Variants in CNTNAP4 observed in about 807,000 individuals in gnomAD.
The protein encoded by CNTNAP4 is contactin associated protein family member 4.
Under a neutral mutation model 148.4 loss-of-function variants are expected in CNTNAP4, and 98 were observed. That is an observed-to-expected ratio of 0.66 (90% CI 0.56 to 0.78). The LOEUF (loss-of-function observed/expected upper bound fraction) is 0.78, where lower values mean the gene tolerates loss of function less well. Among genes scored for constraint, CNTNAP4 ranks in the 30% least tolerant of loss-of-function variants. The probability of loss-of-function intolerance (pLI) is 0.00; values close to 1 mark genes in which losing one functional copy is unlikely to be tolerated. For missense variants in CNTNAP4, 1,935 were observed against 1,565.6 expected, an observed-to-expected ratio of 1.24 and a Z score of -3.98; for synonymous variants, 730 against 565.1, an observed-to-expected ratio of 1.29 and a Z score of -4.14.
intron 3 of CNTNAP4, among the ~76,000 whole-genome samples, chr16:76,361,761 G>T (rs372783170): frequency 6.6e-6 from 1 of 152,102 alleles, no homozygotes; most frequent in African/African-American, 2.4e-5. Context: ...CATGGTGGTT[G>T]TACCATTTTA....
At chr16:76,309,189 T>C (rs981556336) in intron 1 of CNTNAP4, among the ~76,000 whole-genome samples, 25 of 152,170 alleles carry the variant, frequency 1.6e-4, no homozygotes, top group South Asian at 4.2e-4. Context: ...TTGGTGGCTC[T>C]TTTTTGGTGT....
intron 3 of CNTNAP4, among the ~76,000 whole-genome samples, chr16:76,414,860 A>G (rs7499417): frequency 0.41 from 61,705 of 150,988 alleles, 12,849 homozygotes; most frequent in Middle Eastern, 0.5. Context: ...CTTTTGCATT[A>G]CTGATATTGT....
chr16:76,348,648 G>T (rs186967173), intron 2 of CNTNAP4, among the ~76,000 whole-genome samples: 35 of 152,192 alleles, frequency 2.3e-4, no homozygotes, highest in Non-Finnish European at 2.6e-4. Context: ...AGTATCAAAC[G>T]CCACAGATTG....
intron 2 of CNTNAP4, among the ~76,000 whole-genome samples, chr16:76,349,679 C>T (rs973344795): frequency 1.3e-5 from 2 of 152,174 alleles, no homozygotes; most frequent in East Asian, 3.9e-4. Context: ...GGGAAACTTT[C>T]TTATGACAAT....
intron 3 of CNTNAP4, among the ~76,000 whole-genome samples, chr16:76,368,781 C>T (rs1473294081): frequency 1.3e-5 from 2 of 152,016 alleles, no homozygotes; most frequent in Non-Finnish European, 2.9e-5. Flanking sequence ...TGTAACAAAC[C>T]TGCACATCCT....
intron 2 of CNTNAP4, among the ~76,000 whole-genome samples, chr16:76,329,040 A>C (rs1157124724): frequency 6.6e-6 from 1 of 152,250 alleles, no homozygotes; most frequent in Non-Finnish European, 1.5e-5. Context: ...TTTTAAAATA[A>C]AAAGTTTGTT....
chr16:76,296,669 G>A (rs1443195995), intron 1 of CNTNAP4, among the ~76,000 whole-genome samples: 1 of 152,086 alleles, frequency 6.6e-6, no homozygotes, highest in Non-Finnish European at 1.5e-5. Context: ...AGAGAAGAAA[G>A]AGAAATGGTA....
At chr16:76,449,271 T>A (rs2080366318) in intron 6 of CNTNAP4, among the ~76,000 whole-genome samples, 1 of 152,238 alleles carries the variant, frequency 6.6e-6, no homozygotes, top group Non-Finnish European at 1.5e-5. Context: ...GGATGTTTGC[T>A]ATGACTTCTT....
At chr16:76,512,973 G>T (rs1007040320) in intron 15 of CNTNAP4, among the ~76,000 whole-genome samples, 1 of 152,168 alleles carries the variant, frequency 6.6e-6, no homozygotes, top group Non-Finnish European at 1.5e-5. Context: ...TTTGTCAAGT[G>T]TTTGGGGATA....
At chr16:76,387,667 A>G (rs570270826) in intron 3 of CNTNAP4, among the ~76,000 whole-genome samples, 7 of 152,240 alleles carry the variant, frequency 4.6e-5, no homozygotes, top group Non-Finnish European at 8.8e-5. Context: ...TAATCAGCAA[A>G]GAAGAAATGA....
intron 14 of CNTNAP4, among the ~76,000 whole-genome samples, chr16:76,496,405 C>T (rs1365520436): frequency 1.3e-5 from 2 of 152,166 alleles, no homozygotes; most frequent in Admixed American, 6.5e-5. Flanking sequence ...GATTATAAAA[C>T]TTCTTGTATT....
rs150945361 is a variant in CNTNAP4, at chr16:76,464,542, A to T, written c.1483+2437A>T. 3.3e-5 allele frequency among the ~76,000 whole-genome samples: 5 copies of T among 152,294 alleles called. No homozygotes were observed. In the East Asian group the frequency reaches 7.7e-4, roughly 24 times the overall value. ...TGTCTAGGTGGAAAGTGTTTTTTAG[A>T]TAATTCTTCAGCCAGTTTATGTTCA... On this transcript the variant is annotated intron_variant, in intron 9 of 23. Transcript: ENST00000611870.
At chr16:76,555,242 A>G (rs563130999) in intron 23 of CNTNAP4, among the ~76,000 whole-genome samples, 20 of 152,250 alleles carry the variant, frequency 1.3e-4, no homozygotes, top group African/African-American at 4.8e-4. Context: ...CTTTGTGTGG[A>G]TATTAACTCC....
intron 4 of CNTNAP4, among the ~76,000 whole-genome samples, chr16:76,440,169 A>G (rs2079979788): frequency 6.6e-6 from 1 of 151,884 alleles, no homozygotes; most frequent in Admixed American, 6.6e-5. Flanking sequence ...ATAGCTATAT[A>G]TTTTTTTTCT....
intron 2 of CNTNAP4, among the ~76,000 whole-genome samples, chr16:76,326,966 CAAAA>C (rs370233510): frequency 6.9e-6 from 1 of 144,056 alleles, no homozygotes; most frequent in Non-Finnish European, 1.5e-5. Context: ...TTAAAAAATA[CAAAA>C]AAAAAAGAAA....
At chr16:76,290,758 G>C (rs552259613) in intron 1 of CNTNAP4, among the ~76,000 whole-genome samples, 6 of 152,140 alleles carry the variant, frequency 3.9e-5, no homozygotes, top group African/African-American at 1.4e-4. Context: ...ATTCCCTTTG[G>C]TGCCATATTA....
At chr16:76,489,592 C>T in intron 12 of CNTNAP4, 94 bp from the exon 13 acceptor site, 1 of 632,974 alleles carries the variant, frequency 1.6e-6, no homozygotes, top group Non-Finnish European at 2.4e-6. Context: ...ACATTTGACT[C>T]AGATAAAAGG....
At chr16:76,371,273 T>C (rs948217693) in intron 3 of CNTNAP4, among the ~76,000 whole-genome samples, 4 of 151,924 alleles carry the variant, frequency 2.6e-5, no homozygotes, top group African/African-American at 9.7e-5. Flanking sequence ...TACACATCTG[T>C]TTTCGTTTTT....
chr16:76,414,919 GT>G, intron 3 of CNTNAP4, among the ~76,000 whole-genome samples: 1 of 150,378 alleles, frequency 6.6e-6, no homozygotes, highest in East Asian at 1.9e-4. Flanking sequence ...CCTAACTAGG[GT>G]TTTGTTAACT....
Sources: gnomAD v4.1 joint callset for allele counts (sites outside exome capture counted in the v4.1 genomes callset) on GRCh38, gnomAD v4.1.1 for gene constraint, MANE v1.5 for transcripts, NCBI Gene and HGNC (gene_info 2026-07-23, HGNC 2026-07-21) for gene names.